The following ERC1 variants were observed in gnomAD, a reference collection of about 807,000 sequenced individuals.
ERC1 encodes ELKS/RAB6-interacting/CAST family member 1, also known as RAB6 interacting protein 2.
ERC1 carries 56 observed loss-of-function variants against 132.0 expected under a neutral mutation model. The observed-to-expected ratio is 0.42, with a 90% CI of 0.34 to 0.53. The LOEUF (loss-of-function observed/expected upper bound fraction) is 0.53, where lower values mean the gene tolerates loss of function less well. Ranked by LOEUF, ERC1 falls within the 20% of genes least tolerant of loss-of-function variation. ERC1 has a pLI of 0.03. For missense variants in ERC1, 1,202 were observed against 1,349.9 expected, an observed-to-expected ratio of 0.89 and a Z score of 1.72; for synonymous variants, 478 against 476.1, an observed-to-expected ratio of 1.00 and a Z score of -0.05.
chr12:1,028,806 C>A (rs1967381168), intron 2 of ERC1, among the ~76,000 whole-genome samples: 1 of 151,004 alleles, frequency 6.6e-6, no homozygotes, highest in East Asian at 1.9e-4. Flanking sequence ...GTTCTTTTCT[C>A]TGGTTTCTCT....
At chr12:1,093,173 T>C (rs1943470391) in intron 3 of ERC1, among the ~76,000 whole-genome samples, 1 of 152,202 alleles carries the variant, frequency 6.6e-6, no homozygotes, top group Admixed American at 6.5e-5. Flanking sequence ...TTAACATGAT[T>C]TTGTAGCTGG....
chr12:1,216,629 CG>C (rs1397218142), intron 12 of ERC1, among the ~76,000 whole-genome samples: 151 of 34,544 alleles, frequency 4.4e-3, no homozygotes, highest in African/African-American at 0.017. Context: ...GGGTGGGGGG[CG>C]GGGGGAGTAA....
intron 7 of ERC1, among the ~76,000 whole-genome samples, chr12:1,140,340 T>C: frequency 6.6e-6 from 1 of 152,110 alleles, no homozygotes; most frequent in East Asian, 1.9e-4. Flanking sequence ...ACACTACACA[T>C]TGGATATCCC....
chr12:1,236,949 G>T lies in ERC1; in HGVS notation c.2487+45G>T, dbSNP rs2075456260. ...CTGAAAGGATCGGGTGAAGACATTT[G>T]ATCCGTAATCGCATGTTGTTTTTCT... On this transcript the variant is annotated intron_variant, in intron 13 of 18. Transcript: ENST00000360905. 2.5e-6 allele frequency: 4 copies of T among 1,605,250 alleles called. No individual in the cohort carries two copies. The East Asian group carries it at 8.9e-5, about 36-fold the overall frequency.
intron 8 of ERC1, among the ~76,000 whole-genome samples, chr12:1,167,963 C>T (rs1952605553): frequency 6.6e-6 from 1 of 152,080 alleles, no homozygotes; most frequent in African/African-American, 2.4e-5. Context: ...ATCCACCCAC[C>T]TTGGCCTCCC....
intron 2 of ERC1, among the ~76,000 whole-genome samples, chr12:1,038,548 A>G (rs534691341): frequency 6.6e-6 from 1 of 152,006 alleles, no homozygotes; most frequent in African/African-American, 2.4e-5. Flanking sequence ...TTTAGTAGAG[A>G]CAGGGTTTCA....
chr12:1,382,103 A>G (rs1415643984), intron 16 of ERC1, among the ~76,000 whole-genome samples: 1 of 152,226 alleles, frequency 6.6e-6, no homozygotes, highest in Non-Finnish European at 1.5e-5. Context: ...TACAATAGAA[A>G]TAGTAACTGA....
At chr12:1,060,968 C>T (rs1937736121) in intron 2 of ERC1, among the ~76,000 whole-genome samples, 2 of 152,062 alleles carry the variant, frequency 1.3e-5, no homozygotes, top group Non-Finnish European at 2.9e-5. Context: ...CCGCGTGATC[C>T]ACCTGCCTCG....
chr12:1,179,500 C>CTTTTTTTTTTTT (rs58317880), intron 8 of ERC1, among the ~76,000 whole-genome samples: 106 of 95,734 alleles, frequency 1.1e-3, no homozygotes, highest in South Asian at 2.1e-3. Context: ...ATTCATTTTT[C>CTTTTTTTTTTTT]TTTTTTTTTT....
chr12:1,182,785 C>T (rs1413234275), intron 10 of ERC1, among the ~76,000 whole-genome samples: 4 of 151,868 alleles, frequency 2.6e-5, no homozygotes, highest in Admixed American at 6.6e-5. Context: ...TTTCAGTCTT[C>T]CATGTAGCTA....
intron 8 of ERC1, among the ~76,000 whole-genome samples, chr12:1,149,749 A>G (rs991732193): frequency 1.3e-5 from 2 of 152,132 alleles, no homozygotes; most frequent in African/African-American, 2.4e-5. Context: ...AGCCAATATG[A>G]TGTATAGAGA....
At chr12:1,096,042 C>T (rs1273496257) in intron 3 of ERC1, among the ~76,000 whole-genome samples, 1 of 151,746 alleles carries the variant, frequency 6.6e-6, no homozygotes, top group Non-Finnish European at 1.5e-5. Context: ...CCTCCTGCCT[C>T]AGCCCCCGCA....
chr12:1,303,501 T>G (rs1465432845), intron 15 of ERC1, among the ~76,000 whole-genome samples: 1 of 151,350 alleles, frequency 6.6e-6, no homozygotes, highest in African/African-American at 2.4e-5. Flanking sequence ...TAGCTGGGTG[T>G]GGCGGCGTGC....
chr12:1,493,596 T>C lies in ERC1; in HGVS notation c.*3366T>C, dbSNP rs2094338899. On this transcript the variant is annotated 3_prime_UTR_variant, in exon 19 of 19. Transcript: ENST00000360905. ...ATATATATGGATGGGAATCACCAAA[T>C]TCATCTCAGCTCTAACCTTTTAACC... 1 of 123,258 alleles carries C rather than the reference T, an allele frequency of 8.1e-6. No individual in the cohort carries two copies. Among genetic ancestry groups the C allele is most frequent in the Non-Finnish European group, 1.7e-5 (1 of 58,588 alleles). 7.6% of individuals were successfully genotyped at this position (123,258 alleles called of 1,614,324 possible).
intron 1 of ERC1, among the ~76,000 whole-genome samples, chr12:1,022,882 T>C (rs998179271): frequency 6.6e-5 from 10 of 152,100 alleles, no homozygotes; most frequent in Admixed American, 4.6e-4. Flanking sequence ...CCTCCCAAAG[T>C]GTTGGGATTA....
intron 14 of ERC1, among the ~76,000 whole-genome samples, chr12:1,276,642 C>G (rs1451674566): frequency 6.6e-6 from 1 of 152,054 alleles, no homozygotes. Context: ...GAGACTGTCT[C>G]CATTTTGTCT....
At chr12:1,453,527 G>A (rs767408769) in intron 18 of ERC1, among the ~76,000 whole-genome samples, 8 of 152,166 alleles carry the variant, frequency 5.3e-5, no homozygotes, top group Non-Finnish European at 1.2e-4. Context: ...CTGTCATTCT[G>A]TGTCCATGTT....
chr12:1,345,761 C>G (rs2084390338), intron 15 of ERC1, among the ~76,000 whole-genome samples: 1 of 152,090 alleles, frequency 6.6e-6, no homozygotes, highest in Non-Finnish European at 1.5e-5. Context: ...GCACTTAACA[C>G]CTTTTGCCAC....
chr12:1,209,350 T>C (rs7311531), intron 12 of ERC1, among the ~76,000 whole-genome samples: 65,157 of 151,624 alleles, frequency 0.43, 15,728 homozygotes, highest in African/African-American at 0.66. Flanking sequence ...GGAATTCACA[T>C]AGTTAAACAA....
Sources: allele counts gnomAD v4.1 joint callset (sites outside exome capture counted in the v4.1 genomes callset), GRCh38; gene constraint gnomAD v4.1.1; transcripts MANE v1.5; gene names NCBI Gene and HGNC (gene_info 2026-07-23, HGNC 2026-07-21).